BICC1: variants seen among roughly 807,000 people sequenced by gnomAD.
The protein encoded by BICC1 is BicC family RNA binding protein 1.
BICC1 carries 43 observed loss-of-function variants against 111.0 expected under a neutral mutation model. That is an observed-to-expected ratio of 0.39 (90% CI 0.30 to 0.50). The LOEUF (loss-of-function observed/expected upper bound fraction) is 0.50. Among genes scored for constraint, BICC1 ranks in the 20% least tolerant of loss-of-function variants. The pLI is 0.88. For synonymous variants in BICC1, 467 were observed against 434.4 expected (o/e 1.07, Z -0.93); for missense variants, 1,091 against 1,203.2 (o/e 0.91, Z 1.38).
intron 2 of BICC1, among the ~76,000 whole-genome samples, chr10:58,638,377 A>G (rs1838013714): frequency 6.6e-6 from 1 of 152,184 alleles, no homozygotes; most frequent in Admixed American, 6.5e-5. Context: ...ATGTGGGGAT[A>G]AGTGTATTCT....
At chr10:58,788,164 T>C (rs78539120) in intron 5 of BICC1, among the ~76,000 whole-genome samples, 89 of 152,160 alleles carry the variant, frequency 5.8e-4, no homozygotes, top group African/African-American at 1.9e-3. Context: ...TTGACACAAA[T>C]TACCTGAGGA....
rs77403009 is a variant in BICC1, at chr10:58,602,039, G to T, written c.191-18816G>T. ...AGAATAAACTTTTATTACCTTTTTAGAAGGACTTGAATATTTTGAGGCTGG... is the reference window on the plus strand; with the variant it reads ...AGAATAAACTTTTATTACCTTTTTATAAGGACTTGAATATTTTGAGGCTGG... On this transcript the variant is annotated intron_variant, in intron 1 of 20. Coordinates refer to ENST00000373886, the MANE Select transcript of BICC1 (RefSeq NM_001080512.3). Among the ~76,000 whole-genome samples the T allele has an allele frequency of 1.8e-4, 27 of 152,214 alleles. No homozygotes were observed. The East Asian group carries it at 5.2e-3, about 29-fold the overall frequency.
chr10:58,723,209 A>G (rs2393494), intron 3 of BICC1, among the ~76,000 whole-genome samples: 151,775 of 152,244 alleles, frequency 1, 75,655 homozygotes, highest in Middle Eastern at 1. Context: ...GGAAGAAGGG[A>G]GTGAGACAAA....
At chr10:58,707,885 C>T (rs1840438202) in intron 3 of BICC1, among the ~76,000 whole-genome samples, 1 of 152,092 alleles carries the variant, frequency 6.6e-6, no homozygotes, top group African/African-American at 2.4e-5. Context: ...TTAGTAGAGA[C>T]AGTGTTTCTC....
chr10:58,810,248 A>G (rs1564627179), intron 17 of BICC1, among the ~76,000 whole-genome samples: 2 of 152,140 alleles, frequency 1.3e-5, no homozygotes, highest in Non-Finnish European at 2.9e-5. Flanking sequence ...CCCTGACACC[A>G]TGGTTGAACT....
At chr10:58,583,896 G>A (rs1844357028) in intron 1 of BICC1, among the ~76,000 whole-genome samples, 1 of 152,050 alleles carries the variant, frequency 6.6e-6, no homozygotes, top group African/African-American at 2.4e-5. Flanking sequence ...CCAACAGGAT[G>A]GCCTTAAGTC....
At chr10:58,638,083 C>T (rs970322804) in intron 2 of BICC1, among the ~76,000 whole-genome samples, 6 of 151,730 alleles carry the variant, frequency 4.0e-5, no homozygotes, top group African/African-American at 1.5e-4. Context: ...AGCAGGAGGG[C>T]TGTTTTGGAG....
intron 18 of BICC1, 112 bp from the exon 19 acceptor site, chr10:58,817,450 C>A: frequency 8.8e-7 from 1 of 1,139,188 alleles, no homozygotes; most frequent in Non-Finnish European, 1.3e-6. Flanking sequence ...CAGCTACTGC[C>A]CTATTCAGCT....
Position 58,798,553 on chromosome 10 carries a change from T to C in BICC1, c.1521T>C (p.Ser507=). 3 of 1,606,900 alleles carry C rather than the reference T, an allele frequency of 1.9e-6. No homozygotes were observed. Among genetic ancestry groups the C allele is most frequent in the Non-Finnish European group, 1.7e-6 (2 of 1,177,432 alleles). ...LWAPPLANTS[S]ATGFSAIPHL... ...CACCCCCACTTGCTAATACTTCAAG[T>C]GCCACAGGTCAGTATCATTTAAGTA... The change falls in exon 11 of 21, where the codon AGT becomes AGC. Residue 507 remains serine (S), a synonymous_variant. Coordinates refer to ENST00000373886, the MANE Select transcript of BICC1 (RefSeq NM_001080512.3).
chr10:58,727,120 G>A lies in BICC1; in HGVS notation c.307+24977G>A, dbSNP rs150763786. Among the ~76,000 whole-genome samples the A allele has an allele frequency of 4.9e-3, 738 of 152,156 alleles. 5 individuals carry two copies. Among genetic ancestry groups the A allele is most frequent in the African/African-American group, 0.016 (678 of 41,510 alleles). ...GGCCTTTAAAAAATGATAGAATTTA[G>A]TGTTGCTCTTTTCTTTACAAAGAAA... On this transcript the variant is annotated intron_variant, in intron 3 of 20. Coordinates refer to ENST00000373886, the MANE Select transcript of BICC1 (RefSeq NM_001080512.3).
At chr10:58,608,240 C>T (rs1054476129) in intron 1 of BICC1, among the ~76,000 whole-genome samples, 1 of 152,084 alleles carries the variant, frequency 6.6e-6, no homozygotes, top group Admixed American at 6.6e-5. Flanking sequence ...CCCAAAACCA[C>T]CTATTTCGGA....
intron 2 of BICC1, among the ~76,000 whole-genome samples, chr10:58,640,954 C>T (rs955476152): frequency 3.3e-5 from 5 of 152,080 alleles, no homozygotes; most frequent in Non-Finnish European, 7.4e-5. Flanking sequence ...TTTCAACTTT[C>T]AAAAGCAGTT....
chr10:58,775,942 T>TAGTGTAACATATAAAAGTTATATGTAACA, intron 3 of BICC1, among the ~76,000 whole-genome samples: 1 of 152,224 alleles, frequency 6.6e-6, no homozygotes, highest in Non-Finnish European at 1.5e-5. Context: ...AGCTGCTCTT[T>TAGTGTAACATATAAAAGTTATATGTAACA]AGTGTAACAT....
chr10:58,527,216 T>C (rs558515222), intron 1 of BICC1, among the ~76,000 whole-genome samples: 36 of 151,676 alleles, frequency 2.4e-4, no homozygotes, highest in African/African-American at 8.4e-4. Context: ...TTTGGCTGCA[T>C]AAATGTCTTT....
intron 20 of BICC1, among the ~76,000 whole-genome samples, chr10:58,825,290 G>A (rs1844362255): frequency 6.6e-6 from 1 of 152,090 alleles, no homozygotes; most frequent in Non-Finnish European, 1.5e-5. Context: ...AACTGCACAG[G>A]TTCACTTATA....
chr10:58,724,699 T>C (rs1210249833), intron 3 of BICC1, among the ~76,000 whole-genome samples: 2 of 152,222 alleles, frequency 1.3e-5, no homozygotes, highest in Non-Finnish European at 2.9e-5. Context: ...CCTGAACCAG[T>C]TGCAGGTTCA....
intron 1 of BICC1, among the ~76,000 whole-genome samples, chr10:58,522,244 A>G (rs1352143739): frequency 6.6e-6 from 1 of 152,010 alleles, no homozygotes. Context: ...CATAATAGAT[A>G]CCTATGTAAT....
intron 2 of BICC1, among the ~76,000 whole-genome samples, chr10:58,645,463 G>C (rs1168310649): frequency 1.4e-5 from 2 of 146,072 alleles, no homozygotes; most frequent in Non-Finnish European, 3.0e-5. Flanking sequence ...ATTAGAACCA[G>C]ATTGGCATTT....
intron 3 of BICC1, among the ~76,000 whole-genome samples, chr10:58,774,618 C>T (rs1416586191): frequency 6.6e-6 from 1 of 152,156 alleles, no homozygotes; most frequent in African/African-American, 2.4e-5. Flanking sequence ...GTTTTCTTCT[C>T]TTCTTAATAT....
Sources: allele counts gnomAD v4.1 joint callset (sites outside exome capture counted in the v4.1 genomes callset), GRCh38; gene constraint gnomAD v4.1.1; transcripts MANE v1.5; gene names NCBI Gene and HGNC (gene_info 2026-07-23, HGNC 2026-07-21).